KLHL2: variants seen among roughly 807,000 people sequenced by gnomAD.
KLHL2 encodes the protein kelch-like protein 2.
A neutral mutation model predicts 75.8 loss-of-function variants in KLHL2; 15 were observed. The observed-to-expected ratio is 0.20, with a 90% CI of 0.13 to 0.30. KLHL2 has a LOEUF of 0.30. Ranked by LOEUF, KLHL2 falls within the 10% of genes least tolerant of loss-of-function variation. The pLI, the probability that KLHL2 is intolerant of heterozygous loss-of-function variation, is 1.00. For missense variants in KLHL2, 381 were observed against 741.0 expected, an observed-to-expected ratio of 0.51 and a Z score of 5.64; for synonymous variants, 214 against 251.9, an observed-to-expected ratio of 0.85 and a Z score of 1.42.
chr4:165,233,518 G>A (rs1037790031), intron 3 of KLHL2, among the ~76,000 whole-genome samples: 2 of 152,018 alleles, frequency 1.3e-5, no homozygotes, highest in African/African-American at 4.8e-5. Context: ...AATTAGAATA[G>A]GAAAAGACAG....
At chr4:165,217,921 T>A (rs1478329058) in intron 1 of KLHL2, among the ~76,000 whole-genome samples, 2 of 152,206 alleles carry the variant, frequency 1.3e-5, no homozygotes, top group Non-Finnish European at 2.9e-5. Flanking sequence ...ACCTGCAGCC[T>A]TCTTCATCTC....
chr4:165,213,610 C>T (rs1415446524), intron 1 of KLHL2, among the ~76,000 whole-genome samples: 1 of 152,192 alleles, frequency 6.6e-6, no homozygotes, highest in Non-Finnish European at 1.5e-5. Context: ...TATGTACTGA[C>T]TTGTGCCATT....
intron 5 of KLHL2, among the ~76,000 whole-genome samples, chr4:165,267,679 A>C (rs540255340): frequency 7.9e-5 from 12 of 152,182 alleles, no homozygotes; most frequent in African/African-American, 2.9e-4. Context: ...ATCATGGTGG[A>C]TAAGCTTTTT....
chr4:165,293,574 C>T (rs912448641), intron 5 of KLHL2, among the ~76,000 whole-genome samples: 1 of 151,452 alleles, frequency 6.6e-6, no homozygotes, highest in Non-Finnish European at 1.5e-5. Flanking sequence ...GCGATCTCAG[C>T]TCACTGCAAG....
chr4:165,313,968 A>G, intron 12 of KLHL2, 58 bp from the exon 13 acceptor site: 10 of 1,544,916 alleles, frequency 6.5e-6, no homozygotes, highest in Non-Finnish European at 8.8e-6. Flanking sequence ...AATAAACCTA[A>G]TATGATATAA....
chr4:165,261,868 G>A (rs1741701441), intron 4 of KLHL2, among the ~76,000 whole-genome samples: 2 of 152,106 alleles, frequency 1.3e-5, no homozygotes, highest in South Asian at 4.1e-4. Flanking sequence ...TTCTGTCTTT[G>A]GGCTGCAGTG....
intron 7 of KLHL2, 39 bp from the exon 8 acceptor site, chr4:165,299,468 G>A (rs960784486): frequency 2.6e-6 from 4 of 1,550,920 alleles, no homozygotes; most frequent in Middle Eastern, 1.7e-4. Flanking sequence ...TTATGAAATA[G>A]CCCTACCCTC....
chr4:165,293,142 G>T (rs1004895695), intron 5 of KLHL2, among the ~76,000 whole-genome samples: 2 of 152,182 alleles, frequency 1.3e-5, no homozygotes, highest in African/African-American at 2.4e-5. Context: ...ACATTCCCTT[G>T]TGAGGCAGAT....
chr4:165,320,010 G>C (rs1439956078), intron 14 of KLHL2, among the ~76,000 whole-genome samples: 1 of 152,102 alleles, frequency 6.6e-6, no homozygotes, highest in Non-Finnish European at 1.5e-5. Context: ...TTTTGGAAAG[G>C]GGTTTGGCTC....
intron 9 of KLHL2, 71 bp from the exon 10 acceptor site, chr4:165,310,482 G>C (rs1209044172): frequency 1.5e-6 from 2 of 1,293,570 alleles, no homozygotes; most frequent in African/African-American, 2.9e-5. Context: ...AGATTTATCA[G>C]AAAGCAATCT....
At chr4:165,320,546 G>C (rs1746892608) in intron 14 of KLHL2, among the ~76,000 whole-genome samples, 1 of 152,144 alleles carries the variant, frequency 6.6e-6, no homozygotes, top group Admixed American at 6.5e-5. Flanking sequence ...TCAGCCTCTA[G>C]ATCAGTGACC....
chr4:165,295,785 G>A (rs1464400780), intron 6 of KLHL2, among the ~76,000 whole-genome samples: 1 of 152,212 alleles, frequency 6.6e-6, no homozygotes, highest in Non-Finnish European at 1.5e-5. Flanking sequence ...TGTATTCAAT[G>A]TGTTCAGTAT....
At chr4:165,246,715 A>G (rs1403194805) in intron 4 of KLHL2, among the ~76,000 whole-genome samples, 4 of 152,074 alleles carry the variant, frequency 2.6e-5, no homozygotes, top group Non-Finnish European at 5.9e-5. Flanking sequence ...ATGGGGACAT[A>G]TTTTTGGGGT....
intron 1 of KLHL2, among the ~76,000 whole-genome samples, chr4:165,213,113 C>T (rs1399475588): frequency 4.6e-5 from 7 of 152,238 alleles, no homozygotes; most frequent in Admixed American, 4.6e-4. Flanking sequence ...ATTTCTCTCT[C>T]TTTCTTCATC....
intron 4 of KLHL2, among the ~76,000 whole-genome samples, chr4:165,246,502 A>G (rs1234157194): frequency 6.6e-6 from 1 of 151,976 alleles, no homozygotes; most frequent in Non-Finnish European, 1.5e-5. Context: ...TAAGTGAGAG[A>G]CTAGTGGCTT....
chr4:165,240,341 A>G (rs1297699377), intron 4 of KLHL2: 1 of 152,184 alleles, frequency 6.6e-6, no homozygotes, highest in Non-Finnish European at 1.5e-5. Flanking sequence ...CGGAGACTGA[A>G]ATCTTTGCAC....
intron 5 of KLHL2, among the ~76,000 whole-genome samples, chr4:165,264,447 C>G (rs1055373346): frequency 2.6e-5 from 4 of 151,434 alleles, no homozygotes; most frequent in African/African-American, 9.7e-5. Context: ...AGCTTAGCTC[C>G]CACTTATAAG....
At chr4:165,304,749 A>T (rs1272363234) in intron 8 of KLHL2, among the ~76,000 whole-genome samples, 1 of 152,184 alleles carries the variant, frequency 6.6e-6, no homozygotes, top group African/African-American at 2.4e-5. Context: ...GTCTATACTA[A>T]TCACATAATT....
intron 5 of KLHL2, among the ~76,000 whole-genome samples, chr4:165,287,055 G>A (rs1244132855): frequency 2.6e-5 from 4 of 152,158 alleles, no homozygotes; most frequent in Non-Finnish European, 5.9e-5. Context: ...GTTCCACTCA[G>A]TAGTGTCATG....
Sources: allele counts gnomAD v4.1 joint callset (sites outside exome capture counted in the v4.1 genomes callset), GRCh38; gene constraint gnomAD v4.1.1; transcripts MANE v1.5; gene names NCBI Gene and HGNC (gene_info 2026-07-23, HGNC 2026-07-21).